The following RAB19 variants were observed in gnomAD, a reference collection of about 807,000 sequenced individuals.
The protein encoded by RAB19 is RAB19, member RAS oncogene family, also known as ras-related protein Rab-19.
In RAB19, 21 loss-of-function variants were observed where a neutral mutation model predicts 17.3. The ratio of observed to expected loss-of-function variants is 1.21; its 90% CI spans 0.86 to 1.74. The LOEUF is 1.74. RAB19 is among the 40% of genes most tolerant of loss of function. The probability of loss-of-function intolerance (pLI) is 0.00; values close to 1 mark genes in which losing one functional copy is unlikely to be tolerated. For missense variants in RAB19, 277 were observed against 286.8 expected, an observed-to-expected ratio of 0.97 and a Z score of 0.25; for synonymous variants, 126 against 110.4, an observed-to-expected ratio of 1.14 and a Z score of -0.88.
chr7:140,408,288 A>G (rs1255386858), intron 2 of RAB19, among the ~76,000 whole-genome samples: 2 of 151,992 alleles, frequency 1.3e-5, no homozygotes, highest in Admixed American at 1.3e-4. Flanking sequence ...GGAAGAAAAC[A>G]TGGGAGTATT....
rs559537407 is a variant in RAB19, at chr7:140,426,824, C to A, written c.*674C>A. Among the ~76,000 whole-genome samples the A allele has an allele frequency of 3.2e-4, 47 of 145,982 alleles. No individual in the cohort carries two copies. Among genetic ancestry groups the A allele is most frequent in the African/African-American group, 1.1e-3 (42 of 38,376 alleles). ...CTCTTGGGATAGGGGAAGACACCTG[C>A]AATTTTTTTTCTTTCTTTTTTTTTT... On this transcript the variant is annotated 3_prime_UTR_variant, in exon 4 of 4. Coordinates refer to ENST00000537763, the MANE Select transcript of RAB19 (RefSeq NM_001008749.3).
rs1585431525 is a variant in RAB19, at chr7:140,421,991, T to C, written c.386-3891T>C. Among the ~76,000 whole-genome samples the C allele has an allele frequency of 4.6e-5, 7 of 152,346 alleles. 1 individual carries two copies. Among genetic ancestry groups the C allele is most frequent in the Admixed American group, 4.6e-4 (7 of 15,286 alleles). On this transcript the variant is annotated intron_variant, in intron 3 of 3. Coordinates refer to ENST00000537763, the MANE Select transcript of RAB19 (RefSeq NM_001008749.3). ...TGATTATTATCATTACTCTGCCTTTTACATTTAGATCTACCTGTAATTGAT... is the reference window on the plus strand; with the variant it reads ...TGATTATTATCATTACTCTGCCTTTCACATTTAGATCTACCTGTAATTGAT...
intron 3 of RAB19, among the ~76,000 whole-genome samples, chr7:140,420,163 G>A (rs1482949622): frequency 5.3e-5 from 8 of 152,152 alleles, no homozygotes; most frequent in African/African-American, 1.9e-4. Context: ...GCTCATGCCT[G>A]TAATCCCAGC....
chr7:140,411,805 T>G, intron 2 of RAB19, 69 bp from the exon 3 acceptor site: 1 of 1,612,166 alleles, frequency 6.2e-7, no homozygotes, highest in Non-Finnish European at 8.5e-7. Context: ...TTTAAGAAGA[T>G]GTAGGTGAAG....
intron 3 of RAB19, among the ~76,000 whole-genome samples, chr7:140,424,639 A>ATATATATATATG (rs1554442794): frequency 5.8e-5 from 8 of 138,366 alleles, no homozygotes; most frequent in African/African-American, 2.2e-4. Flanking sequence ...ATATATATAT[A>ATATATATATATG]TGTGTGTGTG....
intron 3 of RAB19, among the ~76,000 whole-genome samples, chr7:140,421,798 C>A (rs936410151): frequency 1.3e-5 from 2 of 151,948 alleles, no homozygotes; most frequent in African/African-American, 4.8e-5. Flanking sequence ...CTATACCCAG[C>A]CTTTTCGTCT....
chr7:140,421,751 C>T (rs951843739), intron 3 of RAB19, among the ~76,000 whole-genome samples: 2 of 152,102 alleles, frequency 1.3e-5, no homozygotes, highest in African/African-American at 4.8e-5. Context: ...CCTCTTGCCT[C>T]GGCTTCCCAA....
chr7:140,421,359 G>GTTGTT (rs971756097), intron 3 of RAB19, among the ~76,000 whole-genome samples: 1 of 151,288 alleles, frequency 6.6e-6, no homozygotes, highest in Non-Finnish European at 1.5e-5. Context: ...GTCCAGTTAG[G>GTTGTT]TTGTTTTGTT....
intron 3 of RAB19, among the ~76,000 whole-genome samples, chr7:140,412,741 C>A (rs1032087600): frequency 2.0e-5 from 3 of 150,600 alleles, no homozygotes; most frequent in African/African-American, 7.3e-5. Flanking sequence ...TTATGGGTAT[C>A]TAGTAGGTAT....
At position 140,407,858 on chromosome 7, in the gene RAB19, A is replaced by G. The variant is rs1336757029; in HGVS notation, c.201+11A>G. 8.5e-7 allele frequency: 1 copy of G among 1,175,672 alleles called. No individual in the cohort carries two copies. The highest frequency in any genetic ancestry group is 2.7e-5 in the East Asian group (1 of 36,904). The allele number at this position is 1,175,672 out of a possible 1,614,324, so 72.8% of individuals were successfully genotyped here. On this transcript the variant is annotated intron_variant, in intron 2 of 3. Coordinates refer to ENST00000537763, the MANE Select transcript of RAB19 (RefSeq NM_001008749.3). Reference sequence around the variant, plus strand: ...GGCAAAAAAGTGAAGGTCAGAGGGCACCGGGACGGGACTGGTTCCACCTTT... The same window carrying G: ...GGCAAAAAAGTGAAGGTCAGAGGGCGCCGGGACGGGACTGGTTCCACCTTT...
intron 2 of RAB19, among the ~76,000 whole-genome samples, chr7:140,408,058 T>TTTA (rs1223242176): frequency 1.3e-5 from 2 of 149,680 alleles, no homozygotes; most frequent in African/African-American, 4.9e-5. Flanking sequence ...TTTTTTTTTT[T>TTTA]ATGTATTTTT....
intron 3 of RAB19, among the ~76,000 whole-genome samples, chr7:140,421,201 TA>T (rs1179439468): frequency 4.6e-5 from 7 of 152,046 alleles, no homozygotes; most frequent in Non-Finnish European, 1.0e-4. Context: ...TTTTATGTTT[TA>T]TTTTTTATAG....
chr7:140,427,648 C>T lies in RAB19; in HGVS notation c.*1498C>T, dbSNP rs981155580. Among the ~76,000 whole-genome samples, 6 of 151,832 alleles carry T rather than the reference C, an allele frequency of 4.0e-5. No homozygotes were observed. The highest frequency in any genetic ancestry group is 1.5e-4 in the African/African-American group (6 of 41,322). The stretch of plus-strand genomic sequence containing the variant: ...TGTGTTTTTAGTAGAGGCAGGGTTT[C>T]ACCACGTTGGCCAGGCTGGTCTCGA... On this transcript the variant is annotated 3_prime_UTR_variant, in exon 4 of 4. Coordinates refer to ENST00000537763, the MANE Select transcript of RAB19 (RefSeq NM_001008749.3).
chr7:140,419,517 G>C (rs1799521293), intron 3 of RAB19, among the ~76,000 whole-genome samples: 1 of 151,972 alleles, frequency 6.6e-6, no homozygotes, highest in South Asian at 2.1e-4. Context: ...CTATTCCTTT[G>C]CAAGAACACC....
Position 140,424,000 on chromosome 7 carries a change from C to T in RAB19, c.386-1882C>T, listed in dbSNP as rs148067024. Among the ~76,000 whole-genome samples, 345 of 150,068 alleles carry T rather than the reference C, an allele frequency of 2.3e-3. 11 individuals are homozygous for T. The East Asian group carries it at 0.05, about 22-fold the overall frequency. ...TCCTGAGTAGCTGGGATTACAGGCG[C>T]GTGCCACCATACCCAGCTAATTTTT... On this transcript the variant is annotated intron_variant, in intron 3 of 3. Transcript: ENST00000537763.
chr7:140,410,307 A>ATTT (rs1799330888), intron 2 of RAB19, among the ~76,000 whole-genome samples: 17 of 55,008 alleles, frequency 3.1e-4, no homozygotes, highest in South Asian at 6.6e-4. Context: ...TAATTTTTGT[A>ATTT]TTTTTCTTTT....
At chr7:140,423,086 C>A (rs774325543) in intron 3 of RAB19, among the ~76,000 whole-genome samples, 2 of 148,016 alleles carry the variant, frequency 1.4e-5, no homozygotes, top group Non-Finnish European at 3.0e-5. Context: ...CCAGCCTGGG[C>A]GACAGAGCAA....
rs550858610 is a variant in RAB19 at position 140,406,244 on chromosome 7, G to A, written c.-23-1380G>A. Among the ~76,000 whole-genome samples, 67 of 65,756 alleles carry A rather than the reference G, an allele frequency of 1.0e-3. 1 individual carries two copies. In the South Asian group the frequency reaches 0.04, roughly 39 times the overall value. 43.1% of individuals were successfully genotyped at this position (65,756 alleles called of 152,430 possible). A position where few individuals can be genotyped will look rare whatever the true frequency, so the allele number is the denominator to read the frequency against. Reference sequence around the variant, plus strand: ...GCCTGGGCAAGAAGAGTGAAACTCTGTCTCAAAAAAAAAAAAAAAAAAAAA... The same window carrying A: ...GCCTGGGCAAGAAGAGTGAAACTCTATCTCAAAAAAAAAAAAAAAAAAAAA... On this transcript the variant is annotated intron_variant, in intron 1 of 3. Coordinates refer to ENST00000537763, the MANE Select transcript of RAB19 (RefSeq NM_001008749.3).
chr7:140,409,522 C>G (rs1799311473), intron 2 of RAB19, among the ~76,000 whole-genome samples: 1 of 151,760 alleles, frequency 6.6e-6, no homozygotes, highest in African/African-American at 2.4e-5. Flanking sequence ...GGGGGAAACC[C>G]CATCTCTACT....
Sources: allele counts gnomAD v4.1 joint callset (sites outside exome capture counted in the v4.1 genomes callset), GRCh38; gene constraint gnomAD v4.1.1; transcripts MANE v1.5; gene names NCBI Gene and HGNC (gene_info 2026-07-23, HGNC 2026-07-21).